The following KATNA1 variants were observed in gnomAD, a reference collection of about 807,000 sequenced individuals.
KATNA1 encodes katanin catalytic subunit A1, also known as katanin p60 ATPase-containing subunit A1.
A neutral mutation model predicts 62.6 loss-of-function variants in KATNA1; 42 were observed. That is an observed-to-expected ratio of 0.67 (90% CI 0.52 to 0.87). KATNA1 has a LOEUF of 0.87. Ranked by LOEUF, KATNA1 falls within the 40% of genes least tolerant of loss-of-function variation. KATNA1 has a pLI of 0.00. For synonymous variants in KATNA1, 186 were observed against 201.9 expected (o/e 0.92, Z 0.67); for missense variants, 498 against 612.5 (o/e 0.81, Z 1.97).
chr6:149,638,072 C>T (rs961436627), intron 2 of KATNA1, among the ~76,000 whole-genome samples: 8 of 152,056 alleles, frequency 5.3e-5, no homozygotes, highest in African/African-American at 1.7e-4. Flanking sequence ...ATCTCCCAGG[C>T]TCAAGTGATC....
At position 149,595,018 on chromosome 6, in the gene KATNA1, C is replaced by T; in HGVS notation, c.*18G>A. On this transcript the variant is annotated 3_prime_UTR_variant, in exon 11 of 11. Coordinates refer to ENST00000367411, the MANE Select transcript of KATNA1 (RefSeq NM_007044.4). ...TCAAACACTTAAGGCACATTTCTCA[C>T]AGTTTACATGTGAGAATTTAGCATG... 1 of 1,596,218 alleles carries T rather than the reference C, an allele frequency of 6.3e-7. No homozygotes were observed. Among genetic ancestry groups the T allele is most frequent in the Non-Finnish European group, 8.6e-7 (1 of 1,164,370 alleles).
At chr6:149,598,092 A>T in intron 8 of KATNA1, 132 bp downstream of exon 8, 2 of 942,020 alleles carry the variant, frequency 2.1e-6, no homozygotes, top group Non-Finnish European at 3.2e-6. Context: ...CACCCCCTCT[A>T]GTCCATCTGA....
At chr6:149,621,768 C>T (rs1049868147) in intron 4 of KATNA1, among the ~76,000 whole-genome samples, 1 of 151,588 alleles carries the variant, frequency 6.6e-6, no homozygotes, top group Non-Finnish European at 1.5e-5. Context: ...GCTGGGATTA[C>T]AGGCATGAGC....
chr6:149,632,151 T>A (rs531575746), intron 3 of KATNA1, among the ~76,000 whole-genome samples: 1 of 152,138 alleles, frequency 6.6e-6, no homozygotes, highest in African/African-American at 2.4e-5. Context: ...CCCAGCACTT[T>A]GGGAGGCTGA....
chr6:149,617,407 A>G (rs372433426), intron 4 of KATNA1, among the ~76,000 whole-genome samples: 2 of 152,266 alleles, frequency 1.3e-5, no homozygotes, highest in African/African-American at 4.8e-5. Context: ...CAATTAACAT[A>G]CAGACTGAAA....
intron 4 of KATNA1, among the ~76,000 whole-genome samples, chr6:149,605,776 T>G (rs916804998): frequency 2.0e-5 from 3 of 152,184 alleles, no homozygotes; most frequent in Non-Finnish European, 4.4e-5. Flanking sequence ...TTTATTTATT[T>G]ATTTATTTTT....
At chr6:149,612,852 G>C (rs796462934) in intron 4 of KATNA1, among the ~76,000 whole-genome samples, 28 of 151,950 alleles carry the variant, frequency 1.8e-4, no homozygotes, top group African/African-American at 6.0e-4. Context: ...TAAAGAAAAA[G>C]ACCCATGTGA....
At chr6:149,597,275 T>A in intron 9 of KATNA1, 86 bp from the exon 10 acceptor site, 1 of 1,412,504 alleles carries the variant, frequency 7.1e-7, no homozygotes, top group South Asian at 1.3e-5. Context: ...TGTGAGATGT[T>A]GTCTTCCAGT....
intron 4 of KATNA1, among the ~76,000 whole-genome samples, chr6:149,619,864 G>A (rs1228731628): frequency 2.6e-5 from 4 of 151,976 alleles, no homozygotes; most frequent in South Asian, 2.1e-4. Context: ...TTAAGGAACC[G>A]CCATACTATT....
intron 6 of KATNA1, among the ~76,000 whole-genome samples, chr6:149,602,471 T>C (rs1172597412): frequency 1.3e-5 from 2 of 152,198 alleles, no homozygotes; most frequent in Non-Finnish European, 1.5e-5. Flanking sequence ...CAACTATTCA[T>C]ACATGCAGAG....
chr6:149,611,055 C>G (rs1468180204), intron 4 of KATNA1, among the ~76,000 whole-genome samples: 2 of 152,036 alleles, frequency 1.3e-5, no homozygotes, highest in Non-Finnish European at 2.9e-5. Flanking sequence ...GTACTCCAGC[C>G]CAGGCAACAG....
At chr6:149,605,808 G>C (rs114893581) in intron 4 of KATNA1, among the ~76,000 whole-genome samples, 1 of 151,716 alleles carries the variant, frequency 6.6e-6, no homozygotes, top group Non-Finnish European at 1.5e-5. Context: ...TCACTCTGTC[G>C]CCCAGGCTAG....
intron 10 of KATNA1, among the ~76,000 whole-genome samples, chr6:149,595,492 G>A (rs1373285358): frequency 2.6e-5 from 4 of 152,224 alleles, no homozygotes; most frequent in Non-Finnish European, 4.4e-5. Context: ...AAAAGTAAAA[G>A]TGGGGTTAAA....
At chr6:149,632,628 T>C (rs1779893344) in intron 3 of KATNA1, 131 bp downstream of exon 3, 2 of 689,532 alleles carry the variant, frequency 2.9e-6, no homozygotes, top group Non-Finnish European at 4.7e-6. Flanking sequence ...CAGTGAGTTA[T>C]AAAAGAGAGA....
Position 149,597,707 on chromosome 6 carries a change from T to C in KATNA1, c.1016-66A>G. On this transcript the variant is annotated intron_variant, in intron 8 of 10. Coordinates refer to ENST00000367411, the MANE Select transcript of KATNA1 (RefSeq NM_007044.4). ...TGGATTATACCAAATGAAGCTCAGCTATTTAAAGATCAACAACTATTTAGT... is the reference window on the plus strand; with the variant it reads ...TGGATTATACCAAATGAAGCTCAGCCATTTAAAGATCAACAACTATTTAGT... 2.1e-6 allele frequency: 3 copies of C among 1,460,014 alleles called. No homozygotes were observed. In the South Asian group the frequency reaches 3.6e-5, roughly 18 times the overall value. The allele number at this position is 1,460,014 out of a possible 1,614,324, so 90.4% of individuals were successfully genotyped here.
chr6:149,602,011 A>C (rs909896145), intron 6 of KATNA1, among the ~76,000 whole-genome samples: 1 of 152,222 alleles, frequency 6.6e-6, no homozygotes, highest in African/African-American at 2.4e-5. Flanking sequence ...CAGAGGTACC[A>C]TTAGCATCTG....
chr6:149,646,211 A>G (rs1347575561), intron 1 of KATNA1, among the ~76,000 whole-genome samples: 1 of 152,210 alleles, frequency 6.6e-6, no homozygotes, highest in African/African-American at 2.4e-5. Context: ...GAAGTTTAAT[A>G]GAAGGGATAT....
chr6:149,601,653 T>G lies in KATNA1; in HGVS notation c.829A>C (p.Thr277Pro), dbSNP rs753668307. Residue 277 changes from threonine (T) to proline (P), a missense_variant, in exon 7 of 11, where the codon ACT becomes CCT. Physicochemically the swap from Thr to Pro is conservative, Grantham distance 38. Coordinates refer to ENST00000367411, the MANE Select transcript of KATNA1 (RefSeq NM_007044.4). ...KTTFFNVSSSTLTSKYRGESE... is the reference protein window; with the variant it reads ...KTTFFNVSSSPLTSKYRGESE... ...TCTCCTCTGTATTTGGAAGTCAAAG[T>G]TGATGAAGAGACATTGAAGAATGTT... 1.2e-6 allele frequency: 2 copies of G among 1,613,014 alleles called. No homozygotes were observed. The highest frequency in any genetic ancestry group is 1.7e-6 in the Non-Finnish European group (2 of 1,179,724).
At position 149,623,306 on chromosome 6, in the gene KATNA1, A is replaced by C. The variant is rs751959888; in HGVS notation, c.321-23T>G. 1.3e-6 allele frequency: 2 copies of C among 1,550,054 alleles called. No homozygotes were observed. Among genetic ancestry groups the C allele is most frequent in the Non-Finnish European group, 1.7e-6 (2 of 1,150,968 alleles). On this transcript the variant is annotated intron_variant, in intron 3 of 10. Coordinates refer to ENST00000367411, the MANE Select transcript of KATNA1 (RefSeq NM_007044.4). Reference sequence around the variant, plus strand: ...GGTCTAATCAAACAAAAACTCATTAATATCATAATCAACTCCACATATGGA... The same window carrying C: ...GGTCTAATCAAACAAAAACTCATTACTATCATAATCAACTCCACATATGGA...
Sources: allele counts gnomAD v4.1 joint callset (sites outside exome capture counted in the v4.1 genomes callset), GRCh38; gene constraint gnomAD v4.1.1; transcripts MANE v1.5; gene names NCBI Gene and HGNC (gene_info 2026-07-23, HGNC 2026-07-21).